P2RX7: variants seen among roughly 807,000 people sequenced by gnomAD.
The protein encoded by P2RX7 is P2X purinoceptor 7.
A neutral mutation model predicts 71.6 loss-of-function variants in P2RX7; 62 were observed. That is an observed-to-expected ratio of 0.87 (90% CI 0.71 to 1.07). The LOEUF is 1.07. Among genes scored for constraint, P2RX7 ranks in the 50% least tolerant of loss-of-function variants. The pLI, the probability that P2RX7 is intolerant of heterozygous loss-of-function variation, is 0.00. For synonymous variants in P2RX7, 299 were observed against 283.3 expected, an observed-to-expected ratio of 1.06 and a Z score of -0.56; for missense variants, 686 against 748.5, an observed-to-expected ratio of 0.92 and a Z score of 0.97.
At chr12:121,162,562 G>C in intron 5 of P2RX7, 42 bp downstream of exon 5, 6 of 1,602,738 alleles carry the variant, frequency 3.7e-6, no homozygotes, top group Non-Finnish European at 5.1e-6. Flanking sequence ...CCTCAGCGGC[G>C]ACCAGATGAG....
At chr12:121,163,633 A>C (rs11065463) in intron 5 of P2RX7, among the ~76,000 whole-genome samples, 1 of 148,506 alleles carries the variant, frequency 6.7e-6, no homozygotes, top group African/African-American at 2.6e-5. Flanking sequence ...AGATAGATAG[A>C]TAGATAGATA....
intron 1 of P2RX7, among the ~76,000 whole-genome samples, chr12:121,150,453 T>C (rs146784302): frequency 0.014 from 2,070 of 152,352 alleles, 28 homozygotes; most frequent in Non-Finnish European, 0.019. Context: ...AAGCGCTGCA[T>C]GCACCATGTA....
At chr12:121,156,297 T>C in intron 3 of P2RX7, 150 bp downstream of exon 3, 1 of 644,130 alleles carries the variant, frequency 1.6e-6, no homozygotes, top group Non-Finnish European at 2.8e-6. Context: ...AGGGCTGGGC[T>C]GAGTGGAGGA....
chr12:121,170,540 C>T (rs569010983), intron 8 of P2RX7, among the ~76,000 whole-genome samples: 7 of 152,242 alleles, frequency 4.6e-5, no homozygotes, highest in Admixed American at 6.5e-5. Flanking sequence ...TTTGGGAGGC[C>T]GAAGCAGGAG....
intron 9 of P2RX7, among the ~76,000 whole-genome samples, chr12:121,175,874 C>T (rs1883025057): frequency 6.6e-6 from 1 of 152,032 alleles, no homozygotes; most frequent in African/African-American, 2.4e-5. Context: ...AAGCTACAAG[C>T]ATGGTTGGAT....
At chr12:121,148,901 T>G (rs1593029336) in intron 1 of P2RX7, 1 of 355,198 alleles carries the variant, frequency 2.8e-6, no homozygotes, top group East Asian at 7.8e-5. Context: ...TCTTTAGGGG[T>G]CCATGAAGAT....
intron 2 of P2RX7, among the ~76,000 whole-genome samples, chr12:121,155,823 T>C (rs1426570726): frequency 2.6e-5 from 4 of 151,898 alleles, no homozygotes; most frequent in African/African-American, 9.7e-5. Flanking sequence ...AACAAAAACA[T>C]GAAAAGGCTG....
At chr12:121,180,254 G>A in intron 11 of P2RX7, 100 bp from the exon 12 acceptor site, 1 of 530,806 alleles carries the variant, frequency 1.9e-6, no homozygotes, top group East Asian at 3.1e-5. Context: ...TTGTTCAATA[G>A]TCTATCATTT....
chr12:121,140,161 G>A (rs764106004), intron 1 of P2RX7, among the ~76,000 whole-genome samples: 1 of 152,208 alleles, frequency 6.6e-6, no homozygotes, highest in Admixed American at 6.5e-5. Context: ...AAGTGACCCC[G>A]TAGGAGGAGA....
At chr12:121,174,044 T>A (rs1247577621) in intron 8 of P2RX7, among the ~76,000 whole-genome samples, 1 of 114,746 alleles carries the variant, frequency 8.7e-6, no homozygotes, top group Non-Finnish European at 1.8e-5. Context: ...TTTTCTTTTC[T>A]TTTCTTTTTT....
At chr12:121,176,472 G>A (rs1432041104) in intron 9 of P2RX7, among the ~76,000 whole-genome samples, 1 of 152,354 alleles carries the variant, frequency 6.6e-6, no homozygotes, top group Admixed American at 6.5e-5. Flanking sequence ...ACAAGGCTGG[G>A]CCGGGCACGG....
chr12:121,155,886 A>ACT (rs1191414958), intron 2 of P2RX7, among the ~76,000 whole-genome samples, 193 bp from the exon 3 acceptor site: 2 of 151,684 alleles, frequency 1.3e-5, no homozygotes, highest in African/African-American at 2.4e-5. Flanking sequence ...ACGCTCCTTC[A>ACT]CTCTCCCTCA....
In P2RX7 at chr12:121,162,424, G is replaced by C. The variant is rs766558447; in HGVS notation, c.437G>C (p.Gly146Ala). ...TTCTACGATGCTTTGACCCCTATAGGAATTCAGACCGGAAGGTGTGTAGTG... is the reference window on the plus strand; with the variant it reads ...TTCTACGATGCTTTGACCCCTATAGCAATTCAGACCGGAAGGTGTGTAGTG... The part of the protein sequence containing the change: ...KKGWMDPQSK[G>A]IQTGRCVVYE... The change falls in exon 5 of 13, where the codon GGA becomes GCA. Residue 146 changes from glycine to alanine, a missense_variant and splice_region_variant. Transcript: ENST00000328963. 6.2e-7 allele frequency: 1 copy of C among 1,613,822 alleles called. No individual in the cohort carries two copies. Among genetic ancestry groups the C allele is most frequent in the Non-Finnish European group, 8.5e-7 (1 of 1,179,932 alleles).
intron 8 of P2RX7, among the ~76,000 whole-genome samples, chr12:121,168,711 G>A (rs534782951): frequency 3.9e-4 from 60 of 152,170 alleles, no homozygotes; most frequent in African/African-American, 7.0e-4. Flanking sequence ...TCTAACCCAC[G>A]TCACTCTGAC....
intron 4 of P2RX7, among the ~76,000 whole-genome samples, 159 bp downstream of exon 4, chr12:121,161,133 C>T (rs558413927): frequency 6.6e-6 from 1 of 152,314 alleles, no homozygotes; most frequent in East Asian, 1.9e-4. Context: ...GGCTCTGTCC[C>T]CAGCAGACCA....
At position 121,177,401 on chromosome 12, in the gene P2RX7, A is replaced by G. The variant is rs1420473619; in HGVS notation, c.1143A>G (p.Glu381=). 6.2e-7 allele frequency: 1 copy of G among 1,613,768 alleles called. No homozygotes were observed. The highest frequency in any genetic ancestry group is 8.5e-7 in the Non-Finnish European group (1 of 1,180,048). The change falls in exon 11 of 13, where the codon GAA becomes GAG. Residue 381 remains glutamate (E), a synonymous_variant. Transcript: ENST00000328963. ...CKCCQPCVVN[E]YYYRKKCESI... ...GCTGTCAGCCCTGTGTGGTCAACGA[A>G]TACTACTACAGGAAGAAGTGCGAGT...
chr12:121,164,098 G>A (rs1239367142), intron 5 of P2RX7, among the ~76,000 whole-genome samples: 1 of 152,104 alleles, frequency 6.6e-6, no homozygotes, highest in African/African-American at 2.4e-5. Flanking sequence ...CAAGACAAGC[G>A]GCCCTTGACT....
intron 1 of P2RX7, among the ~76,000 whole-genome samples, chr12:121,139,188 C>T (rs1565936582): frequency 6.6e-6 from 1 of 152,160 alleles, no homozygotes; most frequent in Non-Finnish European, 1.5e-5. Context: ...GTGATCTGCC[C>T]GCCTCGGCCT....
At chr12:121,136,023 A>AAAAAAAAATATATAT in intron 1 of P2RX7, among the ~76,000 whole-genome samples, 40 of 15,242 alleles carry the variant, frequency 2.6e-3, no homozygotes, top group African/African-American at 4.7e-3. Context: ...AAAAAAAAAA[A>AAAAAAAAATATATAT]ATATATATAT....
Sources: allele counts gnomAD v4.1 joint callset (sites outside exome capture counted in the v4.1 genomes callset), GRCh38; gene constraint gnomAD v4.1.1; transcripts MANE v1.5; gene names NCBI Gene and HGNC (gene_info 2026-07-23, HGNC 2026-07-21).